ATP8A2: variants seen among roughly 807,000 people sequenced by gnomAD.
ATP8A2 encodes ATPase phospholipid transporting 8A2, also known as phospholipid-transporting ATPase IB.
In ATP8A2, 100 loss-of-function variants were observed where a neutral mutation model predicts 165.6. The observed-to-expected ratio is 0.60, with a 90% CI of 0.51 to 0.71. ATP8A2 has a LOEUF of 0.71. Among genes scored for constraint, ATP8A2 ranks in the 30% least tolerant of loss-of-function variants. The pLI is 0.00. For synonymous variants in ATP8A2, 543 were observed against 548.8 expected, an observed-to-expected ratio of 0.99 and a Z score of 0.15; for missense variants, 1,227 against 1,479.5, an observed-to-expected ratio of 0.83 and a Z score of 2.80.
At chr13:25,754,900 T>C in intron 25 of ATP8A2, among the ~76,000 whole-genome samples, 1 of 152,220 alleles carries the variant, frequency 6.6e-6, no homozygotes, top group Non-Finnish European at 1.5e-5. Context: ...AAATTTGTTT[T>C]ATGTCAATTT....
chr13:25,897,827 C>T (rs998863493), intron 33 of ATP8A2, among the ~76,000 whole-genome samples: 11 of 152,172 alleles, frequency 7.2e-5, no homozygotes, highest in East Asian at 3.8e-4. Flanking sequence ...TTGATTGCAT[C>T]GGTTACTGAG....
chr13:25,702,020 A>G (rs567161012), intron 25 of ATP8A2, among the ~76,000 whole-genome samples: 12 of 152,314 alleles, frequency 7.9e-5, no homozygotes, highest in Admixed American at 2.0e-4. Flanking sequence ...ATCAACATGT[A>G]CTTAAAAAAA....
chr13:25,755,916 A>G (rs1478659772), intron 25 of ATP8A2, among the ~76,000 whole-genome samples: 2 of 152,166 alleles, frequency 1.3e-5, no homozygotes, highest in African/African-American at 2.4e-5. Flanking sequence ...TCAAAAAAAA[A>G]CCCATATAGA....
Position 25,372,223 on chromosome 13 carries a change from G to C in ATP8A2, c.11G>C (p.Gly4Ala), listed in dbSNP as rs987992244. 1.1e-5 allele frequency: 16 copies of C among 1,472,900 alleles called. No homozygotes were observed. In the Admixed American group the frequency reaches 3.4e-4, roughly 31 times the overall value. 91.2% of individuals were successfully genotyped at this position (1,472,900 alleles called of 1,614,324 possible). A position where few individuals can be genotyped will look rare whatever the true frequency, so the allele number is the denominator to read the frequency against. Residue 4 changes from glycine (G) to alanine (A), a missense_variant, in exon 1 of 37, where the codon GGC (glycine) becomes GCC (alanine). Gly to Ala is a moderately conservative substitution (Grantham distance 60, BLOSUM62 0). This residue lies in a region of ATP8A2 where 356 missense variants were observed against 394.9 expected (regional missense o/e 0.90). Transcript: ENST00000381655. The surrounding 1 kb of genome is among the most constrained non-coding windows in gnomAD (Gnocchi z 4.8). MLNGAGLDKALKMS... is the reference protein window; with the variant it reads MLNAAGLDKALKMS... The stretch of plus-strand genomic sequence containing the variant: ...CCCGACACGGGCGAGATGCTGAACG[G>C]CGCAGGCCTGGACAAAGCTCTTAAG...
At chr13:25,710,092 G>A (rs2043129985) in intron 25 of ATP8A2, among the ~76,000 whole-genome samples, 1 of 152,088 alleles carries the variant, frequency 6.6e-6, no homozygotes, top group South Asian at 2.1e-4. Flanking sequence ...TAATGTTGTG[G>A]AGAAGGAGGA....
At chr13:25,871,410 A>G (rs1952674804) in intron 33 of ATP8A2, among the ~76,000 whole-genome samples, 1 of 152,144 alleles carries the variant, frequency 6.6e-6, no homozygotes, top group African/African-American at 2.4e-5. Context: ...TATCATCATC[A>G]CAGTTCCCCC....
chr13:25,487,752 A>G (rs2036396437), intron 2 of ATP8A2, among the ~76,000 whole-genome samples: 1 of 152,230 alleles, frequency 6.6e-6, no homozygotes, highest in Non-Finnish European at 1.5e-5. Context: ...GATTTTGAAG[A>G]TTAATTCTAG....
chr13:25,567,198 T>C, intron 16 of ATP8A2: 2 of 383,244 alleles, frequency 5.2e-6, no homozygotes, highest in Non-Finnish European at 1.0e-5. Flanking sequence ...ACTGGTGTTT[T>C]GGGTCCCTGT....
At chr13:25,463,609 G>A (rs368021710) in intron 1 of ATP8A2, among the ~76,000 whole-genome samples, 66 of 152,162 alleles carry the variant, frequency 4.3e-4, no homozygotes, top group African/African-American at 1.4e-3. Flanking sequence ...TTGCTTCCTC[G>A]CCAGTGACTT....
At position 25,550,701 on chromosome 13, in the gene ATP8A2, T is replaced by G. The variant is rs111914222; in HGVS notation, c.892-637T>G. 3.5e-3 allele frequency among the ~76,000 whole-genome samples: 533 copies of G among 152,310 alleles called. 2 individuals carry two copies. Among genetic ancestry groups the G allele is most frequent in the African/African-American group, 0.012 (506 of 41,562 alleles). ...ACATCATTCAGGATGCCACTCAGCTTTCTCCTGTCCAGGCCCTTCCTGACT... is the reference window on the plus strand; with the variant it reads ...ACATCATTCAGGATGCCACTCAGCTGTCTCCTGTCCAGGCCCTTCCTGACT... On this transcript the variant is annotated intron_variant, in intron 10 of 36. Transcript: ENST00000381655.
intron 33 of ATP8A2, chr13:25,927,324 G>C (rs1954638422): frequency 2.5e-6 from 1 of 393,292 alleles, no homozygotes; most frequent in Non-Finnish European, 5.2e-6. Flanking sequence ...AGTGAGTTCA[G>C]TGTTTGGTTT....
intron 24 of ATP8A2, among the ~76,000 whole-genome samples, chr13:25,686,961 A>G (rs1474223290): frequency 2.6e-5 from 4 of 152,172 alleles, no homozygotes; most frequent in Non-Finnish European, 5.9e-5. Flanking sequence ...AGTTTTGTGC[A>G]CAGCTGTGTT....
intron 1 of ATP8A2, among the ~76,000 whole-genome samples, chr13:25,431,500 G>A (rs960714153): frequency 2.1e-5 from 3 of 142,460 alleles, no homozygotes; most frequent in East Asian, 2.4e-4. Flanking sequence ...TTACTTCGGC[G>A]GCGGGGGGGG....
intron 24 of ATP8A2, among the ~76,000 whole-genome samples, chr13:25,598,735 C>T (rs979369787): frequency 7.9e-5 from 12 of 151,948 alleles, no homozygotes; most frequent in African/African-American, 2.7e-4. Context: ...TATTTGCTTA[C>T]TTCTTTTGTT....
At chr13:25,709,947 G>A (rs2043127101) in intron 25 of ATP8A2, among the ~76,000 whole-genome samples, 1 of 152,082 alleles carries the variant, frequency 6.6e-6, no homozygotes, top group Non-Finnish European at 1.5e-5. Context: ...GGTCATATTT[G>A]TGTTTCCTTT....
At chr13:25,785,860 A>C (rs75211320) in intron 27 of ATP8A2, among the ~76,000 whole-genome samples, 5,000 of 152,280 alleles carry the variant, frequency 0.033, 269 homozygotes, top group African/African-American at 0.11. Flanking sequence ...AGGAAGGAGG[A>C]CACGGGAATT....
chr13:25,804,215 G>A (rs1043966633), intron 27 of ATP8A2, among the ~76,000 whole-genome samples: 1 of 152,052 alleles, frequency 6.6e-6, no homozygotes, highest in Non-Finnish European at 1.5e-5. Flanking sequence ...CTGGGGGTGG[G>A]GTAAGGAATG....
At chr13:25,382,805 G>T (rs1056661688) in intron 1 of ATP8A2, among the ~76,000 whole-genome samples, 10 of 151,532 alleles carry the variant, frequency 6.6e-5, no homozygotes, top group Non-Finnish European at 1.5e-4. Flanking sequence ...GCCCAGGCTG[G>T]AGTGCAGTGG....
intron 19 of ATP8A2, 150 bp downstream of exon 19, chr13:25,575,007 G>A: frequency 2.1e-6 from 1 of 467,574 alleles, no homozygotes; most frequent in Non-Finnish European, 3.7e-6. Context: ...TTTCTTCTTG[G>A]AATTTGTGAC....
Sources: allele counts gnomAD v4.1 joint callset (sites outside exome capture counted in the v4.1 genomes callset), GRCh38; gene constraint gnomAD v4.1.1; regional missense constraint gnomAD v4.1.1; non-coding constraint Gnocchi (gnomAD v3.1); transcripts MANE v1.5; gene names NCBI Gene and HGNC (gene_info 2026-07-23, HGNC 2026-07-21).